MECOM: variants seen among roughly 807,000 people sequenced by gnomAD.
MECOM encodes MDS1 and EVI1 complex locus.
MECOM carries 13 observed loss-of-function variants against 116.3 expected under a neutral mutation model. That is an observed-to-expected ratio of 0.11 (90% CI 0.07 to 0.18). The LOEUF (loss-of-function observed/expected upper bound fraction) is 0.18, where lower values mean the gene tolerates loss of function less well. MECOM is among the 10% of genes least tolerant of loss of function. The pLI is 1.00. For missense variants in MECOM, 1,299 were observed against 1,509.0 expected, an observed-to-expected ratio of 0.86 and a Z score of 2.31; for synonymous variants, 528 against 535.2, an observed-to-expected ratio of 0.99 and a Z score of 0.19.
At chr3:169,483,249 T>G (rs1751644359) in intron 1 of MECOM, among the ~76,000 whole-genome samples, 1 of 149,960 alleles carries the variant, frequency 6.7e-6, no homozygotes, top group Non-Finnish European at 1.5e-5. Flanking sequence ...TTGACAGTCA[T>G]TTTCCCACAG....
At chr3:169,126,677 T>A (rs1732979295) in intron 5 of MECOM, among the ~76,000 whole-genome samples, 1 of 152,104 alleles carries the variant, frequency 6.6e-6, no homozygotes, top group Non-Finnish European at 1.5e-5. Flanking sequence ...TCCTTTCTAT[T>A]CAGTCTTCTC....
At chr3:169,244,239 C>A (rs994464573) in intron 2 of MECOM, among the ~76,000 whole-genome samples, 1 of 152,206 alleles carries the variant, frequency 6.6e-6, no homozygotes, top group African/African-American at 2.4e-5. Context: ...AAACAAGCAA[C>A]CAACATTTCA....
chr3:169,417,978 G>A (rs1324510232), intron 1 of MECOM, among the ~76,000 whole-genome samples: 1 of 146,538 alleles, frequency 6.8e-6, no homozygotes, highest in East Asian at 2.3e-4. Flanking sequence ...GAGCGGGGAG[G>A]GATAGCATTA....
chr3:169,344,695 CTA>C (rs1309662021), intron 2 of MECOM, among the ~76,000 whole-genome samples: 1 of 152,160 alleles, frequency 6.6e-6, no homozygotes, highest in Non-Finnish European at 1.5e-5. Context: ...TCAGCATAAT[CTA>C]TGAGTTTAGT....
intron 2 of MECOM, among the ~76,000 whole-genome samples, chr3:169,281,574 G>T (rs966385581): frequency 6.6e-5 from 10 of 152,174 alleles, no homozygotes; most frequent in African/African-American, 2.4e-4. Flanking sequence ...ACTTTGGGAG[G>T]CTGAGGCAGG....
intron 1 of MECOM, among the ~76,000 whole-genome samples, chr3:169,502,667 T>G (rs185670328): frequency 2.0e-5 from 3 of 152,268 alleles, no homozygotes; most frequent in African/African-American, 7.2e-5. Context: ...ATACAACACT[T>G]TTTAAATATA....
intron 9 of MECOM, among the ~76,000 whole-genome samples, chr3:169,109,627 G>C (rs1726653543): frequency 6.6e-6 from 1 of 151,986 alleles, no homozygotes; most frequent in South Asian, 2.1e-4. Flanking sequence ...TGTTGGTCAG[G>C]CTGCTGTTGA....
intron 1 of MECOM, among the ~76,000 whole-genome samples, chr3:169,551,895 C>G (rs894592412): frequency 1.3e-5 from 2 of 152,136 alleles, no homozygotes; most frequent in South Asian, 2.1e-4. Context: ...AGAGTTCTGA[C>G]ACATGCTGCA....
intron 1 of MECOM, among the ~76,000 whole-genome samples, chr3:169,585,622 C>T (rs1765688397): frequency 6.6e-6 from 1 of 152,176 alleles, no homozygotes; most frequent in Non-Finnish European, 1.5e-5. Flanking sequence ...TGTCCATGCC[C>T]TGTCAGACTG....
chr3:169,353,083 A>G (rs1389524419), intron 2 of MECOM, among the ~76,000 whole-genome samples: 2 of 151,944 alleles, frequency 1.3e-5, no homozygotes, highest in Non-Finnish European at 2.9e-5. Flanking sequence ...CACCAAAACA[A>G]GTTGCTAAAA....
At chr3:169,462,227 A>G (rs1260881170) in intron 1 of MECOM, among the ~76,000 whole-genome samples, 4 of 152,324 alleles carry the variant, frequency 2.6e-5, no homozygotes, top group East Asian at 1.9e-4. Context: ...TATACTCTCA[A>G]TCAAAGGTAA....
intron 1 of MECOM, among the ~76,000 whole-genome samples, chr3:169,638,945 T>G (rs1485398167): frequency 5.3e-5 from 8 of 152,158 alleles, no homozygotes; most frequent in Non-Finnish European, 4.4e-5. Context: ...ATGTGTGTCA[T>G]TTCTGAGCTA....
chr3:169,120,547 G>A (rs1231815975), intron 7 of MECOM, among the ~76,000 whole-genome samples: 2 of 152,126 alleles, frequency 1.3e-5, no homozygotes, highest in African/African-American at 4.8e-5. Flanking sequence ...CGGCAACAAT[G>A]GGTAGATTAA....
intron 16 of MECOM, among the ~76,000 whole-genome samples, chr3:169,087,864 T>A (rs751243431): frequency 4.6e-5 from 7 of 152,216 alleles, no homozygotes; most frequent in Non-Finnish European, 7.3e-5. Context: ...TAAGTGATGT[T>A]CTTAAGTTCA....
intron 1 of MECOM, among the ~76,000 whole-genome samples, chr3:169,601,063 G>A (rs1767780000): frequency 6.6e-6 from 1 of 152,178 alleles, no homozygotes; most frequent in Non-Finnish European, 1.5e-5. Context: ...CTTCTCTAAA[G>A]TTATTTGTGG....
At chr3:169,099,959 T>G (rs1290122578) in intron 12 of MECOM, among the ~76,000 whole-genome samples, 1 of 152,108 alleles carries the variant, frequency 6.6e-6, no homozygotes, top group African/African-American at 2.4e-5. Context: ...TAAGAGGTAA[T>G]TTAGGAAATT....
In MECOM at chr3:169,084,556, A is replaced by G. The variant is rs1246998930; in HGVS notation, c.*353T>C. The G allele has an allele frequency of 7.6e-6, 2 of 264,228 alleles. No homozygotes were observed. The highest frequency in any genetic ancestry group is 4.3e-5 in the African/African-American group (2 of 46,302). The allele number at this position is 264,228 out of a possible 1,614,324, so 16.4% of individuals were successfully genotyped here. On this transcript the variant is annotated 3_prime_UTR_variant, in exon 17 of 17. Coordinates refer to ENST00000651503, the MANE Select transcript of MECOM (RefSeq NM_004991.4). Reference sequence around the variant, plus strand: ...TTTCTATGGAGTGTTCATTCATATCAATGCTGCCATCTCAACTGCCCTTCT... The same window carrying G: ...TTTCTATGGAGTGTTCATTCATATCGATGCTGCCATCTCAACTGCCCTTCT...
At chr3:169,152,243 T>A (rs906032894) in intron 2 of MECOM, among the ~76,000 whole-genome samples, 22 of 152,224 alleles carry the variant, frequency 1.4e-4, no homozygotes, top group South Asian at 8.3e-4. Context: ...TTATTTTTTT[T>A]AAATTATTAT....
intron 2 of MECOM, among the ~76,000 whole-genome samples, chr3:169,188,418 A>G (rs1483567606): frequency 6.6e-6 from 1 of 152,094 alleles, no homozygotes; most frequent in Non-Finnish European, 1.5e-5. Flanking sequence ...ACCAGAAGAA[A>G]AAAATAGAGA....
Sources: allele counts gnomAD v4.1 joint callset (sites outside exome capture counted in the v4.1 genomes callset), GRCh38; gene constraint gnomAD v4.1.1; transcripts MANE v1.5; gene names NCBI Gene and HGNC (gene_info 2026-07-23, HGNC 2026-07-21).